MSR1: variants seen among roughly 807,000 people sequenced by gnomAD.
MSR1 encodes macrophage scavenger receptor 1.
Under a neutral mutation model 47.2 loss-of-function variants are expected in MSR1, and 53 were observed. That is an observed-to-expected ratio of 1.12 (90% CI 0.90 to 1.41). The LOEUF is 1.41. Ranked by LOEUF, MSR1 falls within the 40% of genes most tolerant of loss-of-function variation. MSR1 has a pLI of 0.00. For missense variants in MSR1, 786 were observed against 546.9 expected, an observed-to-expected ratio of 1.44 and a Z score of -4.36; for synonymous variants, 239 against 185.6, an observed-to-expected ratio of 1.29 and a Z score of -2.34.
At chr8:16,135,733 A>C (rs1407425043) in intron 8 of MSR1, among the ~76,000 whole-genome samples, 1 of 152,216 alleles carries the variant, frequency 6.6e-6, no homozygotes, top group African/African-American at 2.4e-5. Context: ...TCACAATCCT[A>C]TATGGCATTA....
intron 7 of MSR1, among the ~76,000 whole-genome samples, chr8:16,144,590 G>C (rs1398207604): frequency 6.6e-6 from 1 of 152,056 alleles, no homozygotes; most frequent in Admixed American, 6.6e-5. Flanking sequence ...CCTGTGTTGA[G>C]TTATTTTGCT....
rs1486990123 is a variant in MSR1 at position 16,120,851 on chromosome 8, T to C, written c.1034-245A>G. 31 of 535,354 alleles carry C rather than the reference T, an allele frequency of 5.8e-5. No individual in the cohort carries two copies. In the Admixed American group the frequency reaches 1.0e-3, roughly 18 times the overall value. 33.2% of individuals were successfully genotyped at this position (535,354 alleles called of 1,614,324 possible). A position where few individuals can be genotyped will look rare whatever the true frequency, so the allele number is the denominator to read the frequency against. ...TCCAATCTGTCTTACATGTAAGTTA[T>C]ATATACGAGGACACGTCACAGATTA... On this transcript the variant is annotated intron_variant, in intron 8 of 9. Transcript: ENST00000262101.
At chr8:16,141,008 G>C (rs756887261) in intron 8 of MSR1, 1 of 1,613,910 alleles carries the variant, frequency 6.2e-7, no homozygotes, top group Non-Finnish European at 8.5e-7. Flanking sequence ...GATCTTAAGA[G>C]GGCCCTGCCC....
intron 6 of MSR1, among the ~76,000 whole-genome samples, chr8:16,154,780 C>A (rs796191910): frequency 1.2e-4 from 18 of 152,040 alleles, no homozygotes; most frequent in African/African-American, 4.3e-4. Context: ...ACTATCTAGA[C>A]TTACAAACAA....
chr8:16,119,870 C>CTTT lies in MSR1; in HGVS notation c.1222+545_1222+547dup, dbSNP rs35520763. 3.1e-3 allele frequency among the ~76,000 whole-genome samples: 292 copies of CTTT among 95,654 alleles called. 5 individuals carry two copies. Among genetic ancestry groups the CTTT allele is most frequent in the African/African-American group, 0.011 (280 of 24,884 alleles). 62.8% of individuals were successfully genotyped at this position (95,654 alleles called of 152,430 possible). On this transcript the variant is annotated intron_variant, in intron 9 of 9. Coordinates refer to ENST00000262101, the MANE Select transcript of MSR1 (RefSeq NM_138715.3). ...TGCAGGTGCATGCTATCACGCCTGGCTTTTTTTTTTTTTTTTTTTTTAATT... is the reference window on the plus strand; with the variant it reads ...TGCAGGTGCATGCTATCACGCCTGGCTTTTTTTTTTTTTTTTTTTTTTTTAATT...
At chr8:16,112,267 A>G (rs1370259667) in intron 9 of MSR1, among the ~76,000 whole-genome samples, 4 of 152,174 alleles carry the variant, frequency 2.6e-5, no homozygotes, top group South Asian at 4.1e-4. Context: ...GTCTTTTCAC[A>G]TACATTTCTA....
Position 16,137,280 on chromosome 8 carries a change from G to A in MSR1, c.1033+6278C>T, listed in dbSNP as rs140700369. 2.8e-4 allele frequency among the ~76,000 whole-genome samples: 43 copies of A among 152,194 alleles called. 1 individual carries two copies. In the South Asian group the frequency reaches 8.1e-3, roughly 29 times the overall value. On this transcript the variant is annotated intron_variant, in intron 8 of 9. Coordinates refer to ENST00000262101, the MANE Select transcript of MSR1 (RefSeq NM_138715.3). ...TAGAGGCAATAGCTGGAGTAGTTATGAAGGTGGAAACACAAACAAATAAAG... is the reference window on the plus strand; with the variant it reads ...TAGAGGCAATAGCTGGAGTAGTTATAAAGGTGGAAACACAAACAAATAAAG...
intron 3 of MSR1, among the ~76,000 whole-genome samples, chr8:16,169,775 A>G (rs1226418533): frequency 6.6e-6 from 1 of 151,972 alleles, no homozygotes; most frequent in Non-Finnish European, 1.5e-5. Context: ...ATTGTAGTAT[A>G]TGTATGGATC....
rs769032563 is a variant in MSR1, at chr8:16,150,343, A to G, written c.899-32T>C. 18 of 1,356,470 alleles carry G rather than the reference A, an allele frequency of 1.3e-5. No individual in the cohort carries two copies. The East Asian group carries it at 4.5e-4, about 34-fold the overall frequency. 84.0% of individuals were successfully genotyped at this position (1,356,470 alleles called of 1,614,324 possible). On this transcript the variant is annotated intron_variant, in intron 6 of 9. Coordinates refer to ENST00000262101, the MANE Select transcript of MSR1 (RefSeq NM_138715.3). ...TATTAACGAAGAAAAAAAGAAGGTA[A>G]TAATTCATTTTCATACAGACTTGAG... is the stretch of plus-strand genomic sequence containing the variant.
At chr8:16,136,837 G>C (rs351550) in intron 8 of MSR1, among the ~76,000 whole-genome samples, 7,219 of 152,048 alleles carry the variant, frequency 0.047, 579 homozygotes, top group African/African-American at 0.16. Flanking sequence ...TCTTGACCTT[G>C]TGATCCACCC....
chr8:16,138,249 T>C (rs937751159), intron 8 of MSR1, among the ~76,000 whole-genome samples: 1 of 152,132 alleles, frequency 6.6e-6, no homozygotes, highest in Admixed American at 6.6e-5. Flanking sequence ...ATATTGGTAA[T>C]TGAGATATTT....
intron 8 of MSR1, among the ~76,000 whole-genome samples, chr8:16,126,989 G>A (rs1800143891): frequency 6.6e-6 from 1 of 152,072 alleles, no homozygotes; most frequent in South Asian, 2.1e-4. Flanking sequence ...GGTACAGAGG[G>A]TTCATTCTAC....
At chr8:16,174,056 T>C (rs536704158) in intron 3 of MSR1, among the ~76,000 whole-genome samples, 2 of 152,330 alleles carry the variant, frequency 1.3e-5, no homozygotes, top group South Asian at 4.1e-4. Flanking sequence ...GGATGGGAAC[T>C]CCAGCTCCAA....
At chr8:16,177,391 C>T (rs896212550) in intron 2 of MSR1, among the ~76,000 whole-genome samples, 1 of 151,984 alleles carries the variant, frequency 6.6e-6, no homozygotes, top group Admixed American at 6.6e-5. Context: ...GCAAGGAACA[C>T]TAAGGACTGC....
chr8:16,180,419 C>T (rs1261901339), intron 1 of MSR1, among the ~76,000 whole-genome samples: 3 of 152,108 alleles, frequency 2.0e-5, no homozygotes, highest in Non-Finnish European at 4.4e-5. Context: ...ATTTGCAATT[C>T]CAACAAATTC....
intron 7 of MSR1, among the ~76,000 whole-genome samples, chr8:16,147,565 A>G (rs534306845): frequency 6.6e-6 from 1 of 152,300 alleles, no homozygotes; most frequent in Non-Finnish European, 1.5e-5. Context: ...TTGGGGTCTT[A>G]GCTCTGAAAT....
At chr8:16,185,061 T>C (rs1434671317) in intron 1 of MSR1, among the ~76,000 whole-genome samples, 3 of 152,062 alleles carry the variant, frequency 2.0e-5, no homozygotes, top group Non-Finnish European at 2.9e-5. Context: ...TGGCTACATT[T>C]GTGCACCATG....
At chr8:16,188,266 T>C (rs139452690) in intron 1 of MSR1, among the ~76,000 whole-genome samples, 51 of 152,248 alleles carry the variant, frequency 3.3e-4, no homozygotes, top group African/African-American at 1.2e-3. Context: ...TTTTTGTTTT[T>C]ATTATAAAAC....
intron 1 of MSR1, among the ~76,000 whole-genome samples, chr8:16,184,546 G>A (rs115229503): frequency 0.013 from 2,005 of 152,222 alleles, 47 homozygotes; most frequent in African/African-American, 0.045. Flanking sequence ...GGTAGCATCC[G>A]ACTCATCAAT....
Sources: allele counts gnomAD v4.1 joint callset (sites outside exome capture counted in the v4.1 genomes callset), GRCh38; gene constraint gnomAD v4.1.1; transcripts MANE v1.5; gene names NCBI Gene and HGNC (gene_info 2026-07-23, HGNC 2026-07-21).